The following KIF5C variants were observed in gnomAD, a reference collection of about 807,000 sequenced individuals.
The protein encoded by KIF5C is kinesin heavy chain isoform 5C.
In KIF5C, 18 loss-of-function variants were observed where a neutral mutation model predicts 125.2. That is an observed-to-expected ratio of 0.14 (90% CI 0.10 to 0.21). KIF5C has a LOEUF of 0.21. KIF5C is among the 10% of genes least tolerant of loss of function. KIF5C has a pLI of 1.00. For synonymous variants in KIF5C, 405 were observed against 434.0 expected, an observed-to-expected ratio of 0.93 and a Z score of 0.83; for missense variants, 780 against 1,183.8, an observed-to-expected ratio of 0.66 and a Z score of 5.01.
At chr2:148,944,768 A>G (rs1682485009) in intron 7 of KIF5C, among the ~76,000 whole-genome samples, 1 of 152,194 alleles carries the variant, frequency 6.6e-6, no homozygotes, top group African/African-American at 2.4e-5. Context: ...TTCTATTCCT[A>G]ACAGCAGTAC....
chr2:149,003,890 G>C (rs929484888), intron 21 of KIF5C, among the ~76,000 whole-genome samples: 2 of 152,198 alleles, frequency 1.3e-5, no homozygotes, highest in Non-Finnish European at 1.5e-5. Flanking sequence ...AATGTAAACT[G>C]TGATTACGGT....
At chr2:148,920,007 A>T (rs963880729) in intron 1 of KIF5C, among the ~76,000 whole-genome samples, 1 of 152,236 alleles carries the variant, frequency 6.6e-6, no homozygotes, top group African/African-American at 2.4e-5. Context: ...TTAAATGAGG[A>T]ATAGAGATTT....
chr2:148,941,816 T>G, intron 5 of KIF5C, 119 bp from the exon 6 acceptor site: 1 of 1,462,234 alleles, frequency 6.8e-7, no homozygotes, highest in Non-Finnish European at 9.2e-7. Flanking sequence ...AGGCTTAAAC[T>G]TGCATATTGC....
chr2:148,955,307 C>G (rs991717256), intron 10 of KIF5C, among the ~76,000 whole-genome samples: 1 of 152,182 alleles, frequency 6.6e-6, no homozygotes, highest in Non-Finnish European at 1.5e-5. Flanking sequence ...CGAGGCGTTG[C>G]TGTGAAGGTA....
intron 1 of KIF5C, among the ~76,000 whole-genome samples, chr2:148,904,277 CA>C (rs1681016088): frequency 6.6e-6 from 1 of 152,220 alleles, no homozygotes; most frequent in Non-Finnish European, 1.5e-5. Context: ...CGGGGGAGCA[CA>C]AGCGTTAAGA....
At chr2:148,961,573 C>T (rs1209136299) in intron 10 of KIF5C, among the ~76,000 whole-genome samples, 1 of 152,142 alleles carries the variant, frequency 6.6e-6, no homozygotes, top group African/African-American at 2.4e-5. Flanking sequence ...CTGAAAAGAA[C>T]CTCAACTTAG....
At position 149,000,741 on chromosome 2, in the gene KIF5C, G is replaced by T. The variant is rs1388199446; in HGVS notation, c.2332G>T (p.Glu778Ter). 6.2e-7 allele frequency: 1 copy of T among 1,613,810 alleles called. No homozygotes were observed. The highest frequency in any genetic ancestry group is 1.3e-5 in the African/African-American group (1 of 74,928). The change falls in exon 21 of 26, where the codon GAA becomes TAA. Residue 778 changes from glutamate to a stop codon, truncating the protein, a stop_gained. Coordinates refer to ENST00000435030, the MANE Select transcript of KIF5C (RefSeq NM_004522.3). LOFTEE classifies it high-confidence loss of function. ...TTTCAGATTGCTCAACGATAAAAGG[G>T]AACAAGCCAGAGAAGACCTCAAAGG... ...EKLLLLNDKR[E>*]QAREDLKGLE...
At position 149,024,515 on chromosome 2, in the gene KIF5C, A is replaced by AGTGTGTGTGTGTGTGTGTGTGTGTGT. The variant is rs10577971; in HGVS notation, c.*1466_*1491dup. The AGTGTGTGTGTGTGTGTGTGTGTGTGT allele has an allele frequency of 7.8e-6, 1 of 128,630 alleles. No homozygotes were observed. Among genetic ancestry groups the AGTGTGTGTGTGTGTGTGTGTGTGTGT allele is most frequent in the East Asian group, 2.3e-4 (1 of 4,318 alleles). The allele number at this position is 128,630 out of a possible 1,614,324, so 8.0% of individuals were successfully genotyped here. On this transcript the variant is annotated 3_prime_UTR_variant, in exon 26 of 26. Coordinates refer to ENST00000435030, the MANE Select transcript of KIF5C (RefSeq NM_004522.3). The stretch of plus-strand genomic sequence containing the variant: ...GACTGTGTGGGTCGAAGGTAGCTCA[A>AGTGTGTGTGTGTGTGTGTGTGTGTGT]GTGTGTGTGTGTGTGTGTGTGTGTG...
intron 1 of KIF5C, among the ~76,000 whole-genome samples, chr2:148,915,400 G>C (rs1300914670): frequency 2.6e-5 from 4 of 152,222 alleles, no homozygotes; most frequent in Non-Finnish European, 1.5e-5. Flanking sequence ...GTGTCAGTTA[G>C]AAACTGATAA....
At chr2:148,886,640 G>A (rs1217949305) in intron 1 of KIF5C, among the ~76,000 whole-genome samples, 1 of 152,082 alleles carries the variant, frequency 6.6e-6, no homozygotes, top group Non-Finnish European at 1.5e-5. Flanking sequence ...TGGTACTAAT[G>A]TCATCATGAT....
chr2:148,923,241 A>C (rs1319816866), intron 2 of KIF5C, among the ~76,000 whole-genome samples: 1 of 152,206 alleles, frequency 6.6e-6, no homozygotes, highest in Non-Finnish European at 1.5e-5. Flanking sequence ...TTTGAAATTC[A>C]TGAAAATCAG....
intron 1 of KIF5C, among the ~76,000 whole-genome samples, chr2:148,909,487 C>T (rs1681249222): frequency 6.6e-6 from 1 of 152,246 alleles, no homozygotes; most frequent in African/African-American, 2.4e-5. Context: ...AAACTTGTGG[C>T]TCATCCCTGC....
chr2:148,987,244 A>G (rs557543922), intron 15 of KIF5C, among the ~76,000 whole-genome samples: 4 of 152,328 alleles, frequency 2.6e-5, no homozygotes, highest in East Asian at 3.9e-4. Flanking sequence ...GTAGGAAAAC[A>G]TGTATGCAAC....
chr2:148,922,746 G>C (rs973738080), intron 2 of KIF5C, among the ~76,000 whole-genome samples: 3 of 152,150 alleles, frequency 2.0e-5, no homozygotes, highest in African/African-American at 7.2e-5. Context: ...TTATTGAGCT[G>C]GTCTTGCCAT....
chr2:148,933,627 C>T (rs1469485220), intron 3 of KIF5C, among the ~76,000 whole-genome samples: 3 of 150,698 alleles, frequency 2.0e-5, no homozygotes, highest in Non-Finnish European at 4.4e-5. Flanking sequence ...ATACCATACA[C>T]CACTACCACA....
intron 25 of KIF5C, among the ~76,000 whole-genome samples, chr2:149,016,270 G>A (rs1345198684): frequency 3.3e-5 from 5 of 152,180 alleles, no homozygotes; most frequent in South Asian, 2.1e-4. Flanking sequence ...GGCTGTGGGC[G>A]TGGAAGCAGT....
chr2:148,878,680 G>A (rs1260065646), intron 1 of KIF5C: 1 of 152,242 alleles, frequency 6.6e-6, no homozygotes, highest in Non-Finnish European at 1.5e-5. Flanking sequence ...TATGCAATGA[G>A]TAGAATGGTC....
rs754795622 is a variant in KIF5C, at chr2:148,950,301, T to C, written c.820-13T>C. 3.1e-6 allele frequency: 5 copies of C among 1,611,834 alleles called. No homozygotes were observed. The highest frequency in any genetic ancestry group is 2.7e-5 in the African/African-American group (2 of 74,988). On this transcript the variant is annotated splice_polypyrimidine_tract_variant and intron_variant, in intron 9 of 25. Coordinates refer to ENST00000435030, the MANE Select transcript of KIF5C (RefSeq NM_004522.3). ...GGGCTGTCAAAACCAATACTTTTTC[T>C]TTTCCTAAATAGAAAACACATGTGC... is the stretch of plus-strand genomic sequence containing the variant.
chr2:148,962,145 G>A (rs1235200042), intron 11 of KIF5C, 26 bp downstream of exon 11: 2 of 1,573,760 alleles, frequency 1.3e-6, no homozygotes, highest in Non-Finnish European at 8.6e-7. Context: ...GAGGAAGAGT[G>A]AGGCATGAGT....
Sources: gnomAD v4.1 joint callset for allele counts (sites outside exome capture counted in the v4.1 genomes callset) on GRCh38, gnomAD v4.1.1 for gene constraint, MANE v1.5 for transcripts, NCBI Gene and HGNC (gene_info 2026-07-23, HGNC 2026-07-21) for gene names.